TBC1D14: variants seen among roughly 807,000 people sequenced by gnomAD.
The protein encoded by TBC1D14 is TBC1 domain family, member 14.
A neutral mutation model predicts 79.0 loss-of-function variants in TBC1D14; 26 were observed. The ratio of observed to expected loss-of-function variants is 0.33; its 90% CI spans 0.24 to 0.46. The LOEUF (loss-of-function observed/expected upper bound fraction) is 0.46. Ranked by LOEUF, TBC1D14 falls within the 20% of genes least tolerant of loss-of-function variation. The pLI, the probability that TBC1D14 is intolerant of heterozygous loss-of-function variation, is 1.00. For synonymous variants in TBC1D14, 394 were observed against 349.9 expected (o/e 1.13, Z -1.40); for missense variants, 769 against 887.6 (o/e 0.87, Z 1.70).
At chr4:6,964,590 A>G (rs929367869) in intron 2 of TBC1D14, among the ~76,000 whole-genome samples, 1 of 152,238 alleles carries the variant, frequency 6.6e-6, no homozygotes, top group African/African-American at 2.4e-5. Flanking sequence ...AACGGATTGA[A>G]TCTCAGACAA....
chr4:6,996,446 A>G, intron 5 of TBC1D14, 39 bp downstream of exon 5: 1 of 1,477,466 alleles, frequency 6.8e-7, no homozygotes, highest in Non-Finnish European at 9.4e-7. Context: ...ATCAGGCAGC[A>G]CAGGGTTTGT....
chr4:6,974,876 T>C (rs1368914450), intron 3 of TBC1D14, among the ~76,000 whole-genome samples: 2 of 152,186 alleles, frequency 1.3e-5, no homozygotes, highest in Non-Finnish European at 2.9e-5. Context: ...GATCGTCTTT[T>C]TTTGTGTGTC....
chr4:6,935,818 A>G (rs1005649670), intron 2 of TBC1D14, among the ~76,000 whole-genome samples: 2 of 151,536 alleles, frequency 1.3e-5, no homozygotes, highest in Non-Finnish European at 2.9e-5. Flanking sequence ...TAATTTTTGT[A>G]TTTTTAGTAG....
chr4:6,910,812 G>T (rs992922897), intron 1 of TBC1D14, among the ~76,000 whole-genome samples: 1 of 152,182 alleles, frequency 6.6e-6, no homozygotes, highest in South Asian at 2.1e-4. Flanking sequence ...TTTCTCTAGC[G>T]TGGAATTGGA....
Position 6,978,023 on chromosome 4 carries a change from C to T in TBC1D14, c.843+10599C>T, listed in dbSNP as rs539193105. On this transcript the variant is annotated intron_variant, in intron 3 of 13. Coordinates refer to ENST00000409757, the MANE Select transcript of TBC1D14 (RefSeq NM_020773.3). ...CGCCCGGCAGCCACTCCGTCTGGGACGTGAGGAGCGACTCCGCCCGGCAGC... is the reference window on the plus strand; with the variant it reads ...CGCCCGGCAGCCACTCCGTCTGGGATGTGAGGAGCGACTCCGCCCGGCAGC... 5.6e-4 allele frequency among the ~76,000 whole-genome samples: 76 copies of T among 135,352 alleles called. No homozygotes were observed. In the East Asian group the frequency reaches 0.015, roughly 27 times the overall value. 88.8% of individuals were successfully genotyped at this position (135,352 alleles called of 152,430 possible). A position where few individuals can be genotyped will look rare whatever the true frequency, so the allele number is the denominator to read the frequency against.
chr4:7,014,012 G>A lies in TBC1D14; in HGVS notation c.1648-436G>A, dbSNP rs192717712. 6.1e-3 allele frequency among the ~76,000 whole-genome samples: 931 copies of A among 152,296 alleles called. 11 individuals are homozygous for A. Among genetic ancestry groups the A allele is most frequent in the African/African-American group, 0.021 (860 of 41,556 alleles). On this transcript the variant is annotated intron_variant, in intron 11 of 13. Transcript: ENST00000409757. ...GATCCACCCGCCTCGGCCTCCCAAAGTGCTGGGATTACAGGCGTGAGCCAC... is the reference window on the plus strand; with the variant it reads ...GATCCACCCGCCTCGGCCTCCCAAAATGCTGGGATTACAGGCGTGAGCCAC...
chr4:6,987,214 G>GC (rs1312494532), intron 3 of TBC1D14: 1 of 1,237,960 alleles, frequency 8.1e-7, no homozygotes, highest in Non-Finnish European at 1.0e-6. Flanking sequence ...CTGCCGCCCC[G>GC]CCCCGCCCCG....
At chr4:6,922,532 C>T (rs538931248) in intron 1 of TBC1D14, among the ~76,000 whole-genome samples, 72 of 152,254 alleles carry the variant, frequency 4.7e-4, no homozygotes, top group Non-Finnish European at 7.6e-4. Flanking sequence ...CACCCAGCCT[C>T]GTAGATGTGA....
intron 4 of TBC1D14, 149 bp downstream of exon 4, chr4:6,994,451 C>G: frequency 1.4e-6 from 1 of 693,442 alleles, no homozygotes; most frequent in Non-Finnish European, 2.5e-6. Context: ...AACATGTGTT[C>G]TGTAATTATA....
In TBC1D14 at chr4:6,967,369, T is replaced by G; in HGVS notation, c.788T>G (p.Phe263Cys). Residue 263 changes from phenylalanine (F) to cysteine (C), a missense_variant, in exon 3 of 14, where the codon TTT (phenylalanine) becomes TGT (cysteine). Physicochemically the swap from Phe to Cys is radical, Grantham distance 205. This residue lies in a region of TBC1D14 where 402 missense variants were observed against 393.2 expected (regional missense o/e 1.02). Coordinates refer to ENST00000409757, the MANE Select transcript of TBC1D14 (RefSeq NM_020773.3). ...DKHNDLGWKL[F>C]GKAPLRENAQ... Reference sequence around the variant, plus strand: ...CACAATGACTTGGGATGGAAGTTATTTGGGAAAGCGCCACTCCGAGAGAAT... The same window carrying G: ...CACAATGACTTGGGATGGAAGTTATGTGGGAAAGCGCCACTCCGAGAGAAT... 2 of 1,614,002 alleles carry G rather than the reference T, an allele frequency of 1.2e-6. No individual in the cohort carries two copies. Among genetic ancestry groups the G allele is most frequent in the Non-Finnish European group, 1.7e-6 (2 of 1,179,982 alleles).
chr4:6,990,953 C>A, intron 3 of TBC1D14, among the ~76,000 whole-genome samples: 1 of 152,192 alleles, frequency 6.6e-6, no homozygotes, highest in Non-Finnish European at 1.5e-5. Context: ...CCTCTTTCTT[C>A]TTTCTAAAGT....
At chr4:7,006,241 T>C (rs916230491) in intron 8 of TBC1D14, among the ~76,000 whole-genome samples, 1 of 151,726 alleles carries the variant, frequency 6.6e-6, no homozygotes, top group Admixed American at 6.6e-5. Context: ...CTAGTGAGTT[T>C]ACACTGAAGA....
chr4:6,914,188 A>G (rs1432501646), intron 1 of TBC1D14, among the ~76,000 whole-genome samples: 3 of 151,966 alleles, frequency 2.0e-5, no homozygotes, highest in Admixed American at 2.0e-4. Context: ...AGTGGTCAGT[A>G]TAAGTTAAGT....
intron 2 of TBC1D14, among the ~76,000 whole-genome samples, chr4:6,946,373 C>G (rs1169706176): frequency 6.6e-6 from 1 of 152,102 alleles, no homozygotes; most frequent in Non-Finnish European, 1.5e-5. Flanking sequence ...TGCTCTGTCA[C>G]CCAGGCTGGA....
chr4:7,000,368 A>G (rs1719535350), intron 6 of TBC1D14, among the ~76,000 whole-genome samples: 1 of 152,108 alleles, frequency 6.6e-6, no homozygotes, highest in Non-Finnish European at 1.5e-5. Context: ...TCATCCTCAC[A>G]GTGGCCCTTG....
At chr4:6,915,549 G>C (rs1242171482) in intron 1 of TBC1D14, among the ~76,000 whole-genome samples, 5 of 152,168 alleles carry the variant, frequency 3.3e-5, no homozygotes, top group Admixed American at 3.3e-4. Context: ...CCACAGTGGA[G>C]ACCTTGGGCA....
intron 2 of TBC1D14, among the ~76,000 whole-genome samples, chr4:6,932,374 A>AT (rs1255251339): frequency 1.0e-4 from 3 of 29,114 alleles, no homozygotes; most frequent in Non-Finnish European, 4.7e-4. Context: ...CTGTCTGGAA[A>AT]TTAAAAAAAA....
At chr4:6,924,202 T>G in intron 2 of TBC1D14, 91 bp downstream of exon 2, 1 of 1,470,098 alleles carries the variant, frequency 6.8e-7, no homozygotes, top group Non-Finnish European at 9.0e-7. Flanking sequence ...GTGTTCTCTG[T>G]GGTGTTAGGC....
At chr4:7,013,415 G>A (rs6835407) in intron 11 of TBC1D14, among the ~76,000 whole-genome samples, 4,526 of 152,328 alleles carry the variant, frequency 0.03, 233 homozygotes, top group African/African-American at 0.1. Flanking sequence ...GCCCCCAGGC[G>A]CCCAGCTGGT....
Sources: allele counts gnomAD v4.1 joint callset (sites outside exome capture counted in the v4.1 genomes callset), GRCh38; gene constraint gnomAD v4.1.1; regional missense constraint gnomAD v4.1.1; transcripts MANE v1.5; gene names NCBI Gene and HGNC (gene_info 2026-07-23, HGNC 2026-07-21).